The following GOLGA1 variants were observed in gnomAD, a reference collection of about 807,000 sequenced individuals.
The protein encoded by GOLGA1 is golgin subfamily A member 1.
In GOLGA1, 63 loss-of-function variants were observed where a neutral mutation model predicts 119.7. The observed-to-expected ratio is 0.53, with a 90% CI of 0.43 to 0.65. The LOEUF (loss-of-function observed/expected upper bound fraction) is 0.65. Among genes scored for constraint, GOLGA1 ranks in the 30% least tolerant of loss-of-function variants. The pLI is 0.00. For synonymous variants in GOLGA1, 318 were observed against 333.4 expected (o/e 0.95, Z 0.50); for missense variants, 798 against 912.8 (o/e 0.87, Z 1.62).
chr9:124,926,140 AAAGCTGTGGGATGGGT>A (rs1297899291), intron 7 of GOLGA1, among the ~76,000 whole-genome samples: 2 of 152,222 alleles, frequency 1.3e-5, no homozygotes, highest in Admixed American at 6.5e-5. Flanking sequence ...GGGGCTTATC[AAAGCTGTGGGATGGGT>A]AAGATAGCCC....
chr9:124,939,546 C>CT (rs1830953578), intron 2 of GOLGA1, among the ~76,000 whole-genome samples: 1 of 40,004 alleles, frequency 2.5e-5, no homozygotes. Context: ...TATTTTCTTT[C>CT]TTTCTTTTTT....
chr9:124,910,773 T>C (rs1830323817), intron 11 of GOLGA1, among the ~76,000 whole-genome samples: 1 of 152,152 alleles, frequency 6.6e-6, no homozygotes, highest in Non-Finnish European at 1.5e-5. Context: ...CATAGGAGCA[T>C]GAACCCTATT....
At chr9:124,932,624 A>G (rs1564345114) in intron 3 of GOLGA1, among the ~76,000 whole-genome samples, 1 of 152,236 alleles carries the variant, frequency 6.6e-6, no homozygotes, top group Non-Finnish European at 1.5e-5. Context: ...AGCCTGGCAC[A>G]TATTAGCTTT....
chr9:124,918,464 CATCAAAGGGTCCCTTGACT>C (rs1830495162), intron 10 of GOLGA1, among the ~76,000 whole-genome samples: 1 of 152,184 alleles, frequency 6.6e-6, no homozygotes, highest in Non-Finnish European at 1.5e-5. Context: ...TTCTAATTGA[CATCAAAGGGTCCCTTGACT>C]ATCAAAGTTG....
chr9:124,904,943 C>CAA (rs111292002), intron 12 of GOLGA1, among the ~76,000 whole-genome samples: 246 of 131,162 alleles, frequency 1.9e-3, no homozygotes, highest in Middle Eastern at 3.8e-3. Context: ...GACTCTGTCT[C>CAA]AAAAAAAAAA....
At chr9:124,912,794 G>A (rs976584294) in intron 10 of GOLGA1, among the ~76,000 whole-genome samples, 35 of 152,060 alleles carry the variant, frequency 2.3e-4, no homozygotes, top group African/African-American at 8.2e-4. Flanking sequence ...CACTAGCCTC[G>A]GCCTCCCAAA....
At chr9:124,929,943 C>G (rs1178070963) in intron 4 of GOLGA1, among the ~76,000 whole-genome samples, 3 of 152,132 alleles carry the variant, frequency 2.0e-5, no homozygotes, top group Non-Finnish European at 4.4e-5. Context: ...GGACCTTAAG[C>G]AAATTATTGG....
intron 7 of GOLGA1, among the ~76,000 whole-genome samples, chr9:124,924,186 C>A (rs1830626077): frequency 6.6e-6 from 1 of 152,078 alleles, no homozygotes; most frequent in African/African-American, 2.4e-5. Context: ...TAGTGACACA[C>A]TGAACTGGCT....
At chr9:124,882,289 C>G (rs1349486535) in intron 20 of GOLGA1, among the ~76,000 whole-genome samples, 1 of 152,214 alleles carries the variant, frequency 6.6e-6, no homozygotes, top group Non-Finnish European at 1.5e-5. Context: ...GATGCAGGCT[C>G]AGAGAAGGCA....
intron 20 of GOLGA1, 43 bp downstream of exon 20, chr9:124,882,467 G>A (rs1483075629): frequency 5.5e-6 from 8 of 1,444,636 alleles, no homozygotes; most frequent in Non-Finnish European, 6.8e-6. Context: ...AGGCAGCAGG[G>A]GGAGTGCTGG....
chr9:124,927,223 C>T (rs946086984), intron 6 of GOLGA1, among the ~76,000 whole-genome samples: 2 of 151,950 alleles, frequency 1.3e-5, no homozygotes, highest in Admixed American at 1.3e-4. Flanking sequence ...TTGATTTTAC[C>T]AACATGCTTT....
chr9:124,925,359 A>ATT (rs11357664), intron 7 of GOLGA1, among the ~76,000 whole-genome samples: 5 of 141,970 alleles, frequency 3.5e-5, no homozygotes, highest in Non-Finnish European at 7.7e-5. Context: ...ATGGTTGAGG[A>ATT]TTTTTTTTTT....
At chr9:124,931,268 G>T in intron 4 of GOLGA1, 48 bp downstream of exon 4, 1 of 866,854 alleles carries the variant, frequency 1.2e-6, no homozygotes, top group Non-Finnish European at 2.0e-6. Flanking sequence ...AGAGAGTCAA[G>T]CAAGGCAAGT....
rs150552324 is a variant in GOLGA1 at position 124,937,976 on chromosome 9, G to A, written c.135+601C>T. ...AACACACCTGTAGTCCCAGCTACTCGGGAGGCTGAGGCACGAGAATTGCTT... is the reference window on the plus strand; with the variant it reads ...AACACACCTGTAGTCCCAGCTACTCAGGAGGCTGAGGCACGAGAATTGCTT... On this transcript the variant is annotated intron_variant, in intron 3 of 22. Transcript: ENST00000373555. Among the ~76,000 whole-genome samples, 57 of 151,764 alleles carry A rather than the reference G, an allele frequency of 3.8e-4. 2 individuals carry two copies. In the East Asian group the frequency reaches 9.5e-3, roughly 25 times the overall value.
intron 3 of GOLGA1, among the ~76,000 whole-genome samples, chr9:124,934,480 A>G (rs2131531501): frequency 6.6e-6 from 1 of 152,298 alleles, no homozygotes; most frequent in Admixed American, 6.5e-5. Context: ...GGGAAATGAG[A>G]CATTCTAGAG....
In GOLGA1 at chr9:124,888,414, C is replaced by T; in HGVS notation, c.1762-18G>A. On this transcript the variant is annotated intron_variant, in intron 18 of 22. Coordinates refer to ENST00000373555, the MANE Select transcript of GOLGA1 (RefSeq NM_002077.4). The surrounding 1 kb of genome is among the most constrained non-coding windows in gnomAD (Gnocchi z 4.4). ...GAGGTCACCTACAAGGTGGCAGCAG[C>T]AAATTGAGAGCCAGGACAGGTCAGG... 1 of 1,613,062 alleles carries T rather than the reference C, an allele frequency of 6.2e-7. No homozygotes were observed.
chr9:124,937,047 T>C (rs1212419108), intron 3 of GOLGA1, among the ~76,000 whole-genome samples: 1 of 152,232 alleles, frequency 6.6e-6, no homozygotes, highest in Non-Finnish European at 1.5e-5. Flanking sequence ...CTTAACAGAA[T>C]TGATAGTGTT....
At chr9:124,890,609 C>A (rs1471167580) in intron 15 of GOLGA1, 131 bp from the exon 16 acceptor site, 1 of 727,718 alleles carries the variant, frequency 1.4e-6, no homozygotes, top group East Asian at 2.6e-5. Flanking sequence ...TTCCCAGGCT[C>A]CCAGCCTGGC....
At chr9:124,899,519 G>T in intron 13 of GOLGA1, 41 bp from the exon 14 acceptor site, 1 of 1,529,068 alleles carries the variant, frequency 6.5e-7, no homozygotes, top group Non-Finnish European at 8.8e-7. Flanking sequence ...GGTGACAATG[G>T]TTTCCAGTGG....
Sources: allele counts gnomAD v4.1 joint callset (sites outside exome capture counted in the v4.1 genomes callset), GRCh38; gene constraint gnomAD v4.1.1; non-coding constraint Gnocchi (gnomAD v3.1); transcripts MANE v1.5; gene names NCBI Gene and HGNC (gene_info 2026-07-23, HGNC 2026-07-21).